Variants in CA10 observed in about 807,000 individuals in gnomAD.
The protein encoded by CA10 is carbonic anhydrase 10 (inactive).
Under a neutral mutation model 44.2 loss-of-function variants are expected in CA10, and 14 were observed. The ratio of observed to expected loss-of-function variants is 0.32; its 90% CI spans 0.21 to 0.50. The LOEUF is 0.50. Ranked by LOEUF, CA10 falls within the 20% of genes least tolerant of loss-of-function variation. The pLI is 0.99. For synonymous variants in CA10, 159 were observed against 141.6 expected, an observed-to-expected ratio of 1.12 and a Z score of -0.87; for missense variants, 350 against 409.7, an observed-to-expected ratio of 0.85 and a Z score of 1.26.
At chr17:51,899,151 C>A (rs769588803) in intron 3 of CA10, among the ~76,000 whole-genome samples, 2 of 151,664 alleles carry the variant, frequency 1.3e-5, no homozygotes, top group South Asian at 2.1e-4. Context: ...TAATTTGAGA[C>A]CTTTCTAAAG....
intron 4 of CA10, among the ~76,000 whole-genome samples, chr17:51,713,341 A>G (rs1335590467): frequency 6.6e-6 from 1 of 152,218 alleles, no homozygotes; most frequent in Non-Finnish European, 1.5e-5. Context: ...CAGCAAGGGC[A>G]TAGATGTTTA....
chr17:51,788,389 G>C (rs1249448183), intron 3 of CA10, among the ~76,000 whole-genome samples: 1 of 152,120 alleles, frequency 6.6e-6, no homozygotes, highest in African/African-American at 2.4e-5. Context: ...ATTGACAATG[G>C]TCCAAGTGCT....
chr17:52,011,369 T>C lies in CA10; in HGVS notation c.136+60950A>G, dbSNP rs961697348. Among the ~76,000 whole-genome samples the C allele has an allele frequency of 7.2e-5, 11 of 152,168 alleles. 1 individual carries two copies. The Middle Eastern group carries it at 0.02, about 282-fold the overall frequency. ...AAGTTTGTCCTGAGGGTCATGATCA[T>C]GACAGTATGCTCTGGTGCAAATAAT... On this transcript the variant is annotated intron_variant, in intron 2 of 8. Coordinates refer to ENST00000451037, the MANE Select transcript of CA10 (RefSeq NM_020178.5).
intron 2 of CA10, among the ~76,000 whole-genome samples, chr17:51,984,376 C>T (rs1348516942): frequency 6.6e-6 from 1 of 151,766 alleles, no homozygotes; most frequent in African/African-American, 2.4e-5. Context: ...GAGGAAAGTT[C>T]ATAGCCCTAA....
intron 3 of CA10, among the ~76,000 whole-genome samples, chr17:51,803,528 AC>A (rs35245579): frequency 0.3 from 45,670 of 151,994 alleles, 8,325 homozygotes; most frequent in East Asian, 0.5. Flanking sequence ...ATCATGGAAA[AC>A]TGTTGGTTTA....
At chr17:51,717,690 C>CATGT (rs1916176138) in intron 4 of CA10, among the ~76,000 whole-genome samples, 1 of 62,146 alleles carries the variant, frequency 1.6e-5, no homozygotes, top group African/African-American at 5.7e-5. Flanking sequence ...TATATGTATA[C>CATGT]ATATATGCAT....
chr17:51,666,431 G>A lies in CA10; in HGVS notation c.466-12695C>T, dbSNP rs138856321. Among the ~76,000 whole-genome samples, 309 of 152,308 alleles carry A rather than the reference G, an allele frequency of 2.0e-3. 6 individuals carry two copies. In the South Asian group the frequency reaches 0.04, roughly 20 times the overall value. On this transcript the variant is annotated intron_variant, in intron 4 of 8. Transcript: ENST00000451037. ...GGAGAAGGGGGTTGTACGTGCAGGG[G>A]TAGGGAATGTTGATGACAGCAGGTT... is the stretch of plus-strand genomic sequence containing the variant.
intron 1 of CA10, among the ~76,000 whole-genome samples, chr17:52,125,451 T>G (rs1444639800): frequency 6.6e-6 from 1 of 152,180 alleles, no homozygotes; most frequent in South Asian, 2.1e-4. Context: ...AGTCCCATCA[T>G]GCATGCACAG....
chr17:51,850,613 C>T (rs1978751901), intron 3 of CA10, among the ~76,000 whole-genome samples: 1 of 152,178 alleles, frequency 6.6e-6, no homozygotes, highest in African/African-American at 2.4e-5. Flanking sequence ...GATGGGAGGA[C>T]CGACAGGCAA....
intron 2 of CA10, among the ~76,000 whole-genome samples, chr17:52,041,626 A>G (rs1234534672): frequency 6.6e-6 from 1 of 152,126 alleles, no homozygotes; most frequent in Admixed American, 6.5e-5. Context: ...GAATTAAAGT[A>G]TACAATATGA....
intron 4 of CA10, among the ~76,000 whole-genome samples, chr17:51,675,724 A>G (rs918195744): frequency 1.3e-5 from 2 of 152,038 alleles, no homozygotes; most frequent in African/African-American, 4.8e-5. Flanking sequence ...TCAAAAAAAA[A>G]AACAAAAACA....
intron 2 of CA10, among the ~76,000 whole-genome samples, chr17:51,958,900 A>T (rs1983765651): frequency 6.6e-6 from 1 of 152,208 alleles, no homozygotes; most frequent in African/African-American, 2.4e-5. Context: ...TTGATTACAA[A>T]TAAATAAATA....
chr17:51,985,496 G>A (rs1984801788), intron 2 of CA10, among the ~76,000 whole-genome samples: 1 of 151,982 alleles, frequency 6.6e-6, no homozygotes, highest in Non-Finnish European at 1.5e-5. Flanking sequence ...ACATAGCACT[G>A]GGAGTCCTAG....
chr17:51,754,610 T>C (rs1905022823), intron 3 of CA10, among the ~76,000 whole-genome samples: 1 of 151,744 alleles, frequency 6.6e-6, no homozygotes, highest in South Asian at 2.1e-4. Context: ...TTTTGATCTC[T>C]TGAGGCCTTC....
chr17:52,109,392 T>C (rs1988742230), intron 1 of CA10, among the ~76,000 whole-genome samples: 1 of 151,970 alleles, frequency 6.6e-6, no homozygotes, highest in South Asian at 2.1e-4. Context: ...ACCAAAGCAA[T>C]AGAGTAGAGA....
chr17:51,941,486 G>A (rs887147393), intron 2 of CA10, among the ~76,000 whole-genome samples: 6 of 152,130 alleles, frequency 3.9e-5, no homozygotes, highest in African/African-American at 1.4e-4. Context: ...TCTGAAATTA[G>A]TTGATAGAAA....
chr17:51,809,781 A>G (rs1426234679), intron 3 of CA10, among the ~76,000 whole-genome samples: 1 of 152,206 alleles, frequency 6.6e-6, no homozygotes, highest in Non-Finnish European at 1.5e-5. Flanking sequence ...GCTGGGGTGC[A>G]GAAGGGAAGG....
At chr17:52,035,227 G>C (rs1986582019) in intron 2 of CA10, among the ~76,000 whole-genome samples, 1 of 152,170 alleles carries the variant, frequency 6.6e-6, no homozygotes, top group South Asian at 2.1e-4. Context: ...TCAGCCAGCA[G>C]AGAGGAGGAG....
chr17:52,086,200 T>A (rs535723293), intron 1 of CA10, among the ~76,000 whole-genome samples: 2 of 152,332 alleles, frequency 1.3e-5, no homozygotes, highest in East Asian at 3.9e-4. Flanking sequence ...CAAATTAAGA[T>A]AATGATAGTG....
Sources: gnomAD v4.1 joint callset for allele counts (sites outside exome capture counted in the v4.1 genomes callset) on GRCh38, gnomAD v4.1.1 for gene constraint, MANE v1.5 for transcripts, NCBI Gene and HGNC (gene_info 2026-07-23, HGNC 2026-07-21) for gene names.